The following PHLPP1 variants were observed in gnomAD, a reference collection of about 807,000 sequenced individuals.
PHLPP1 encodes PH domain leucine-rich repeat-containing protein phosphatase 1.
In PHLPP1, 42 loss-of-function variants were observed where a neutral mutation model predicts 117.2. The ratio of observed to expected loss-of-function variants is 0.36; its 90% CI spans 0.28 to 0.46. The LOEUF is 0.46. Ranked by LOEUF, PHLPP1 falls within the 20% of genes least tolerant of loss-of-function variation. PHLPP1 has a pLI of 1.00. For missense variants in PHLPP1, 2,084 were observed against 2,241.9 expected (o/e 0.93, Z 1.42); for synonymous variants, 1,042 against 970.7 (o/e 1.07, Z -1.37).
In PHLPP1 at chr18:62,928,480, C is replaced by T. The variant is rs1392618817; in HGVS notation, c.2960+8366C>T. On this transcript the variant is annotated intron_variant, in intron 10 of 16. Transcript: ENST00000262719. ...ACCACAATCAGATATGACTTATACC[C>T]ACTAGGGTGGCTATAATCAAAAACA... Among the ~76,000 whole-genome samples the T allele has an allele frequency of 2.0e-5, 3 of 152,276 alleles. No homozygotes were observed. In the East Asian group the frequency reaches 5.8e-4, roughly 29 times the overall value.
chr18:62,834,950 C>T (rs749875689), intron 2 of PHLPP1, among the ~76,000 whole-genome samples: 25 of 151,966 alleles, frequency 1.6e-4, no homozygotes, highest in Non-Finnish European at 2.6e-4. Flanking sequence ...TTTAAAAAAT[C>T]GTATTTTCTG....
chr18:62,789,030 G>A (rs565127592), intron 1 of PHLPP1, among the ~76,000 whole-genome samples: 2 of 152,214 alleles, frequency 1.3e-5, no homozygotes, highest in Admixed American at 1.3e-4. Flanking sequence ...TAATGTTGTG[G>A]CAGGGAAGCC....
rs1299538067 is a variant in PHLPP1, at chr18:62,979,558, C to T, written c.*127C>T. On this transcript the variant is annotated 3_prime_UTR_variant, in exon 17 of 17. Coordinates refer to ENST00000262719, the MANE Select transcript of PHLPP1 (RefSeq NM_194449.4). ...CCAGACACTGTTCCCAACCTGTCATCGCAGCTAATCTGTAGGTTCTCTTTC... is the reference window on the plus strand; with the variant it reads ...CCAGACACTGTTCCCAACCTGTCATTGCAGCTAATCTGTAGGTTCTCTTTC... The T allele has an allele frequency of 1.5e-5, 15 of 1,012,420 alleles. No individual in the cohort carries two copies. The highest frequency in any genetic ancestry group is 1.6e-5 in the African/African-American group (1 of 61,180). 62.7% of individuals were successfully genotyped at this position (1,012,420 alleles called of 1,614,324 possible).
intron 4 of PHLPP1, among the ~76,000 whole-genome samples, chr18:62,880,204 G>A (rs1916143545): frequency 6.6e-6 from 1 of 151,314 alleles, no homozygotes; most frequent in Non-Finnish European, 1.5e-5. Flanking sequence ...TTGGGTGTTA[G>A]GGTTTTTTTT....
chr18:62,747,015 TTATTTAAGTCTACTACATTTCAGATG>T (rs1296893733), intron 1 of PHLPP1, among the ~76,000 whole-genome samples: 1 of 152,180 alleles, frequency 6.6e-6, no homozygotes, highest in African/African-American at 2.4e-5. Flanking sequence ...TTTTTCAGCA[TTATTTAAGTCTACTACATTTCAGATG>T]TCTCCTTTTT....
chr18:62,734,438 A>G (rs1384633763), intron 1 of PHLPP1, among the ~76,000 whole-genome samples: 1 of 152,194 alleles, frequency 6.6e-6, no homozygotes. Flanking sequence ...TGGCTGTAAA[A>G]CCTGTACTAC....
At chr18:62,854,230 C>T (rs928471110) in intron 3 of PHLPP1, among the ~76,000 whole-genome samples, 5 of 152,232 alleles carry the variant, frequency 3.3e-5, no homozygotes, top group Admixed American at 6.5e-5. Flanking sequence ...CCTTTAGAAG[C>T]TTTCTGTAAC....
intron 10 of PHLPP1, among the ~76,000 whole-genome samples, chr18:62,924,453 A>G (rs191477971): frequency 6.6e-6 from 1 of 152,222 alleles, no homozygotes; most frequent in East Asian, 1.9e-4. Context: ...GCAGAAGACC[A>G]TATTTTGACT....
At chr18:62,905,146 T>C in intron 7 of PHLPP1, 78 bp from the exon 8 acceptor site, 3 of 746,056 alleles carry the variant, frequency 4.0e-6, no homozygotes, top group East Asian at 3.0e-5. Context: ...AGCACAGTAA[T>C]GACGTTCCAC....
chr18:62,733,555 A>T (rs184244730), intron 1 of PHLPP1, among the ~76,000 whole-genome samples: 39 of 152,288 alleles, frequency 2.6e-4, no homozygotes, highest in African/African-American at 9.4e-4. Flanking sequence ...TTTAATCAGT[A>T]ATTACTGTGA....
chr18:62,859,195 G>A (rs1365762943), intron 3 of PHLPP1, among the ~76,000 whole-genome samples: 1 of 152,238 alleles, frequency 6.6e-6, no homozygotes, highest in African/African-American at 2.4e-5. Flanking sequence ...CAAAGTTTTA[G>A]AACTGTACTC....
intron 1 of PHLPP1, among the ~76,000 whole-genome samples, chr18:62,735,596 AC>A (rs1168675665): frequency 2.6e-4 from 40 of 151,722 alleles, no homozygotes; most frequent in Non-Finnish European, 4.4e-4. Flanking sequence ...AACAACAACA[AC>A]AACAACAAAA....
chr18:62,902,234 G>A (rs972356558), intron 6 of PHLPP1, among the ~76,000 whole-genome samples: 2 of 152,156 alleles, frequency 1.3e-5, no homozygotes, highest in Admixed American at 6.5e-5. Flanking sequence ...TCACAGAGGT[G>A]TTGGTTCCCA....
chr18:62,933,535 A>G (rs1480264521), intron 10 of PHLPP1, among the ~76,000 whole-genome samples: 1 of 152,224 alleles, frequency 6.6e-6, no homozygotes, highest in African/African-American at 2.4e-5. Context: ...TATTCAGTAA[A>G]TAGTGCTGGG....
chr18:62,904,252 A>G (rs971671830), intron 7 of PHLPP1, among the ~76,000 whole-genome samples: 3 of 152,244 alleles, frequency 2.0e-5, no homozygotes, highest in African/African-American at 7.2e-5. Context: ...GGGAGAAAAC[A>G]GGGAATTCTG....
intron 3 of PHLPP1, among the ~76,000 whole-genome samples, chr18:62,845,438 C>T (rs1468659125): frequency 1.3e-5 from 2 of 152,128 alleles, no homozygotes; most frequent in Non-Finnish European, 2.9e-5. Context: ...GCAAACATCA[C>T]TCTTTTAAAA....
chr18:62,799,478 G>A (rs527830622), intron 1 of PHLPP1, among the ~76,000 whole-genome samples: 2 of 152,286 alleles, frequency 1.3e-5, no homozygotes, highest in East Asian at 1.9e-4. Flanking sequence ...AGAAAGGACC[G>A]CAGAGTTCAT....
At chr18:62,746,867 G>T (rs768387520) in intron 1 of PHLPP1, among the ~76,000 whole-genome samples, 52 of 151,940 alleles carry the variant, frequency 3.4e-4, no homozygotes, top group South Asian at 1.0e-3. Flanking sequence ...GGTAGAACTT[G>T]CTTAAGCTTT....
chr18:62,824,762 A>G (rs138331543), intron 1 of PHLPP1, among the ~76,000 whole-genome samples: 15 of 152,294 alleles, frequency 9.8e-5, no homozygotes, highest in African/African-American at 3.6e-4. Flanking sequence ...CTCTGAAAAA[A>G]ATGACAAGGT....
Sources: gnomAD v4.1 joint callset for allele counts (sites outside exome capture counted in the v4.1 genomes callset) on GRCh38, gnomAD v4.1.1 for gene constraint, MANE v1.5 for transcripts, NCBI Gene and HGNC (gene_info 2026-07-23, HGNC 2026-07-21) for gene names.